AGAP1: variants seen among roughly 807,000 people sequenced by gnomAD.
AGAP1 encodes ArfGAP with GTPase domain, ankyrin repeat and PH domain 1.
AGAP1 carries 29 observed loss-of-function variants against 105.3 expected under a neutral mutation model. The observed-to-expected ratio is 0.28, with a 90% confidence interval of 0.21 to 0.38. The LOEUF is 0.38. Among genes scored for constraint, AGAP1 ranks in the 10% least tolerant of loss-of-function variants. The pLI is 1.00. For synonymous variants in AGAP1, 509 were observed against 485.9 expected, an observed-to-expected ratio of 1.05 and a Z score of -0.63; for missense variants, 998 against 1,165.1, an observed-to-expected ratio of 0.86 and a Z score of 2.09.
chr2:236,019,666 G>T (rs1191406031), intron 13 of AGAP1, among the ~76,000 whole-genome samples: 1 of 152,356 alleles, frequency 6.6e-6, no homozygotes, highest in Non-Finnish European at 1.5e-5. Flanking sequence ...AGCCTGCAGC[G>T]CCCTTAGGCT....
chr2:235,929,316 G>A (rs1385801360), intron 11 of AGAP1, among the ~76,000 whole-genome samples: 4 of 152,160 alleles, frequency 2.6e-5, no homozygotes, highest in African/African-American at 9.6e-5. Context: ...TGCATTTCTC[G>A]AATGCCTCTT....
chr2:236,107,118 A>T (rs1282923524), intron 16 of AGAP1, among the ~76,000 whole-genome samples: 1 of 67,846 alleles, frequency 1.5e-5, no homozygotes, highest in Non-Finnish European at 3.1e-5. Context: ...CCCCCGCCCC[A>T]CCCCCGCCAG....
intron 1 of AGAP1, among the ~76,000 whole-genome samples, chr2:235,696,936 A>G (rs1173858567): frequency 2.6e-5 from 4 of 151,916 alleles, no homozygotes; most frequent in Admixed American, 6.6e-5. Flanking sequence ...GTGAACCAAG[A>G]TGGCACCACT....
At chr2:235,909,023 T>G (rs769629404) in intron 11 of AGAP1, 117 bp downstream of exon 11, 97 of 1,045,400 alleles carry the variant, frequency 9.3e-5, no homozygotes, top group Non-Finnish European at 1.2e-4. Flanking sequence ...CATTACAGAT[T>G]AAGGTTTAGA....
At chr2:236,108,999 T>C (rs1038525617) in intron 16 of AGAP1, among the ~76,000 whole-genome samples, 1 of 152,336 alleles carries the variant, frequency 6.6e-6, no homozygotes, top group Non-Finnish European at 1.5e-5. Context: ...GACCCTTCCC[T>C]GCCAGGACCA....
chr2:235,629,156 C>T (rs531343448), intron 1 of AGAP1, among the ~76,000 whole-genome samples: 76 of 152,192 alleles, frequency 5.0e-4, no homozygotes, highest in African/African-American at 1.7e-3. Flanking sequence ...TCCGTGAGAA[C>T]AACAATGTTT....
At position 236,014,191 on chromosome 2, in the gene AGAP1, AC is replaced by A. The variant is rs2056613471; in HGVS notation, c.1646-22369del. 6.6e-6 allele frequency among the ~76,000 whole-genome samples: 1 copy of A among 151,652 alleles called. No homozygotes were observed. Among genetic ancestry groups the A allele is most frequent in the African/African-American group, 2.4e-5 (1 of 41,206 alleles). On this transcript the variant is annotated intron_variant, in intron 13 of 17. Transcript: ENST00000304032. The surrounding 1 kb of genome is among the most constrained non-coding windows in gnomAD (Gnocchi z 6.3). Reference sequence around the variant, plus strand: ...CCTAGGAGCTCCATTTAGAGCCGTAACTCCCCCGAGTGTCAAAGAGAATAGA... The same window carrying A: ...CCTAGGAGCTCCATTTAGAGCCGTAATCCCCCGAGTGTCAAAGAGAATAGA...
Position 235,930,256 on chromosome 2 carries a change from C to T in AGAP1, c.1325-509C>T, listed in dbSNP as rs983532690. On this transcript the variant is annotated intron_variant, in intron 11 of 17. Coordinates refer to ENST00000304032, the MANE Select transcript of AGAP1 (RefSeq NM_001037131.3). The surrounding 1 kb of genome is among the most constrained non-coding windows in gnomAD (Gnocchi z 7.9). ...TGAAGAGCCTGCATTTCCTCCGTGT[C>T]GTGTCTAGGGACTTTGATTTGTGTT... Among the ~76,000 whole-genome samples, 2 of 152,316 alleles carry T rather than the reference C, an allele frequency of 1.3e-5. No homozygotes were observed. The highest frequency in any genetic ancestry group is 2.4e-5 in the African/African-American group (1 of 41,564).
intron 13 of AGAP1, among the ~76,000 whole-genome samples, chr2:235,997,190 A>G (rs1327245562): frequency 1.3e-5 from 2 of 152,178 alleles, no homozygotes; most frequent in African/African-American, 4.8e-5. Context: ...CCCAGGTTCA[A>G]GTGATTCTCC....
At position 235,925,589 on chromosome 2, in the gene AGAP1, A is replaced by C. The variant is rs191226713; in HGVS notation, c.1325-5176A>C. On this transcript the variant is annotated intron_variant, in intron 11 of 17. Transcript: ENST00000304032. Reference sequence around the variant, plus strand: ...CAACTTTAATGCCTGGGTAGCAAGCACTTGGGCGTTTCCTTAAACTCACCG... The same window carrying C: ...CAACTTTAATGCCTGGGTAGCAAGCCCTTGGGCGTTTCCTTAAACTCACCG... Among the ~76,000 whole-genome samples, 11 of 152,328 alleles carry C rather than the reference A, an allele frequency of 7.2e-5. No individual in the cohort carries two copies. In the East Asian group the frequency reaches 2.1e-3, roughly 29 times the overall value.
intron 1 of AGAP1, among the ~76,000 whole-genome samples, chr2:235,533,982 T>A (rs1943127238): frequency 6.6e-6 from 1 of 151,974 alleles, no homozygotes. Flanking sequence ...AGGGAGGGAG[T>A]GGGCTTCAGG....
At chr2:236,084,687 G>C (rs1418745696) in intron 16 of AGAP1, among the ~76,000 whole-genome samples, 1 of 152,012 alleles carries the variant, frequency 6.6e-6, no homozygotes, top group African/African-American at 2.4e-5. Context: ...CAGATCATTT[G>C]AGGTCAGGAG....
Position 236,119,756 on chromosome 2 carries a change from TCGGTGTGTGA to T in AGAP1, c.2115-435_2115-426del, listed in dbSNP as rs1273861422. On this transcript the variant is annotated intron_variant, in intron 16 of 17. Transcript: ENST00000304032. This position sits in a 1 kb window ranked among gnomAD's most constrained non-coding sequence, Gnocchi z 6.6. Reference sequence around the variant, plus strand: ...GCAGTAGGGTGGTTTCCCCTGTGCATCGGTGTGTGAGAGCCACTGATCCAAGGCCATGGCC... The same window carrying T: ...GCAGTAGGGTGGTTTCCCCTGTGCATGAGCCACTGATCCAAGGCCATGGCC... Among the ~76,000 whole-genome samples, 14 of 152,148 alleles carry T rather than the reference TCGGTGTGTGA, an allele frequency of 9.2e-5. No homozygotes were observed.
chr2:235,852,351 C>T (rs1021557643), intron 9 of AGAP1, among the ~76,000 whole-genome samples: 6 of 151,838 alleles, frequency 4.0e-5, no homozygotes, highest in African/African-American at 9.7e-5. Flanking sequence ...CAGCGCCCAG[C>T]GAGGGAGCAG....
rs981412033 is a variant in AGAP1, at chr2:235,882,439, T to G, written c.1051-906T>G. 158 of 1,587,818 alleles carry G rather than the reference T, an allele frequency of 1.0e-4. No individual in the cohort carries two copies. Among genetic ancestry groups the G allele is most frequent in the Non-Finnish European group, 1.3e-4 (153 of 1,159,376 alleles). Reference sequence around the variant, plus strand: ...TTCTTCTCCTGCGTCTCCGTTTTCTTCAGCTTGGCCCTATTGAAGCTGGCG... The same window carrying G: ...TTCTTCTCCTGCGTCTCCGTTTTCTGCAGCTTGGCCCTATTGAAGCTGGCG... On this transcript the variant is annotated intron_variant, in intron 9 of 17. Transcript: ENST00000304032. The surrounding 1 kb of genome is among the most constrained non-coding windows in gnomAD (Gnocchi z 4.6).
rs2054265003 is a variant in AGAP1 at position 235,963,361 on chromosome 2, C to T, written c.1484-5101C>T. Among the ~76,000 whole-genome samples the T allele has an allele frequency of 6.6e-6, 1 of 152,050 alleles. No individual in the cohort carries two copies. The highest frequency in any genetic ancestry group is 1.5e-5 in the Non-Finnish European group (1 of 68,006). On this transcript the variant is annotated intron_variant, in intron 12 of 17. Transcript: ENST00000304032. The surrounding 1 kb of genome is among the most constrained non-coding windows in gnomAD (Gnocchi z 5.1). ...TAGATGCCAGTGAGTCAGGTCACAA[C>T]CAGGTGGGATTCTGAATTCAGTTGT...
intron 13 of AGAP1, among the ~76,000 whole-genome samples, chr2:235,984,694 C>T (rs1357019485): frequency 2.0e-5 from 3 of 151,982 alleles, no homozygotes; most frequent in Non-Finnish European, 4.4e-5. Context: ...TGAGTGAGAA[C>T]CTATGGTGTT....
In AGAP1 at chr2:235,701,662, G is replaced by T. The variant is rs1042812208; in HGVS notation, c.164-7517G>T. On this transcript the variant is annotated intron_variant, in intron 1 of 17. Transcript: ENST00000304032. The surrounding 1 kb of genome is among the most constrained non-coding windows in gnomAD (Gnocchi z 4.1). ...AAATAAGAAATTAAATCCTACCATT[G>T]AAACTGTGCTGGTGAACTTCTGCTA... is the stretch of plus-strand genomic sequence containing the variant. 2.6e-5 allele frequency among the ~76,000 whole-genome samples: 4 copies of T among 152,168 alleles called. No homozygotes were observed. In the East Asian group the frequency reaches 7.7e-4, roughly 29 times the overall value.
intron 1 of AGAP1, among the ~76,000 whole-genome samples, chr2:235,498,175 C>G (rs4663598): frequency 0.88 from 133,574 of 152,202 alleles, 59,088 homozygotes; most frequent in East Asian, 0.99. Flanking sequence ...AATAAAAACA[C>G]ATCCGTAATC....
Sources: gnomAD v4.1 joint callset for allele counts (sites outside exome capture counted in the v4.1 genomes callset) on GRCh38, gnomAD v4.1.1 for gene constraint, Gnocchi (gnomAD v3.1) non-coding constraint, MANE v1.5 for transcripts, NCBI Gene and HGNC (gene_info 2026-07-23, HGNC 2026-07-21) for gene names.